The following ASH1L variants were observed in gnomAD, a reference collection of about 807,000 sequenced individuals.
The protein encoded by ASH1L is histone-lysine N-methyltransferase ASH1L.
Under a neutral mutation model 269.0 loss-of-function variants are expected in ASH1L, and 23 were observed. The observed-to-expected ratio is 0.09, with a 90% CI of 0.06 to 0.12. ASH1L has a LOEUF of 0.12. Ranked by LOEUF, ASH1L falls within the 10% of genes least tolerant of loss-of-function variation. The probability of loss-of-function intolerance (pLI) is 1.00; values close to 1 mark genes in which losing one functional copy is unlikely to be tolerated. For synonymous variants in ASH1L, 1,187 were observed against 1,253.5 expected, an observed-to-expected ratio of 0.95 and a Z score of 1.12; for missense variants, 2,912 against 3,567.8, an observed-to-expected ratio of 0.82 and a Z score of 4.68.
At chr1:155,471,422 T>G (rs1665088661) in intron 3 of ASH1L, among the ~76,000 whole-genome samples, 1 of 151,656 alleles carries the variant, frequency 6.6e-6, no homozygotes, top group South Asian at 2.1e-4. Context: ...CTCAAGGGAG[T>G]GGAGAACTGA....
At chr1:155,395,417 C>A in intron 7 of ASH1L, 42 bp downstream of exon 7, 1 of 1,410,504 alleles carries the variant, frequency 7.1e-7, no homozygotes, top group Non-Finnish European at 9.7e-7. Flanking sequence ...CCAGGAAATA[C>A]TGTTTCTTCT....
intron 25 of ASH1L, among the ~76,000 whole-genome samples, chr1:155,340,974 G>A (rs1197632038): frequency 1.3e-5 from 2 of 151,884 alleles, no homozygotes; most frequent in African/African-American, 4.8e-5. Flanking sequence ...TTTTGTTGTT[G>A]TTGTTGTTTT....
chr1:155,344,369 TAG>T, intron 21 of ASH1L, 96 bp from the exon 22 acceptor site: 2 of 934,920 alleles, frequency 2.1e-6, no homozygotes, highest in Non-Finnish European at 1.7e-6. Flanking sequence ...ACTTACTGTT[TAG>T]TCATTTCAAT....
At chr1:155,415,381 CAAAAAAAAAA>C (rs371008148) in intron 6 of ASH1L, among the ~76,000 whole-genome samples, 1 of 57,654 alleles carries the variant, frequency 1.7e-5, no homozygotes, top group Non-Finnish European at 4.0e-5. Flanking sequence ...GACTCCGTCT[CAAAAAAAAAA>C]AAAAAAACAA....
Position 155,511,213 on chromosome 1 carries a change from C to G in ASH1L, c.420+9887G>C, listed in dbSNP as rs368937998. The stretch of plus-strand genomic sequence containing the variant: ...TCCCTTTGTTTGCAAAACACCACCA[C>G]AGTTAAGAACTCACTGGAACCAAAG... On this transcript the variant is annotated intron_variant, in intron 2 of 27. Transcript: ENST00000392403. 1.3e-4 allele frequency among the ~76,000 whole-genome samples: 20 copies of G among 152,306 alleles called. 1 individual carries two copies. In the East Asian group the frequency reaches 2.1e-3, roughly 16 times the overall value.
intron 5 of ASH1L, among the ~76,000 whole-genome samples, chr1:155,430,848 C>T (rs932028800): frequency 6.6e-6 from 1 of 152,042 alleles, no homozygotes; most frequent in African/African-American, 2.4e-5. Flanking sequence ...GTCTCAAACT[C>T]CTGGGTTCAA....
At chr1:155,386,480 C>T (rs1044015156) in intron 7 of ASH1L, among the ~76,000 whole-genome samples, 7 of 151,942 alleles carry the variant, frequency 4.6e-5, no homozygotes, top group East Asian at 1.9e-4. Flanking sequence ...CTCTGCCACC[C>T]GGAGTTCAAG....
rs1233475684 is a variant in ASH1L at position 155,459,848 on chromosome 1, T to C, written c.5035A>G (p.Asn1679Asp). The change falls in exon 4 of 28, where the codon AAT becomes GAT. Residue 1679 changes from asparagine to aspartate, a missense_variant. Around this residue, in one of 13 missense-constraint regions of ASH1L, gnomAD observed 789 missense variants for 897.6 expected, o/e 0.88. Coordinates refer to ENST00000392403, the MANE Select transcript of ASH1L (RefSeq NM_018489.3). ...GACCTTTTCCGGGTAGGGCTACAAT[T>C]TGTGCTCTCTGATGGCCGCTGGGAG... ...KPSQRPSEST[N>D]CSPTRKRSSS... The C allele has an allele frequency of 1.2e-6, 2 of 1,612,746 alleles. No homozygotes were observed. The highest frequency in any genetic ancestry group is 4.5e-5 in the East Asian group (2 of 44,678).
intron 1 of ASH1L, among the ~76,000 whole-genome samples, chr1:155,547,477 A>C (rs1396743030): frequency 2.6e-5 from 4 of 152,056 alleles, no homozygotes; most frequent in Admixed American, 2.6e-4. Context: ...GGTGAGGTGC[A>C]CTTTGGGAGG....
intron 1 of ASH1L, among the ~76,000 whole-genome samples, chr1:155,553,849 T>A (rs1571147631): frequency 6.6e-6 from 1 of 150,798 alleles, no homozygotes; most frequent in African/African-American, 2.4e-5. Context: ...CAGGCAGGAG[T>A]GCAGTGGCAA....
At chr1:155,349,707 GTC>G in intron 17 of ASH1L, 111 bp from the exon 18 acceptor site, 43 of 422,680 alleles carry the variant, frequency 1.0e-4, no homozygotes, top group Non-Finnish European at 1.3e-4. Context: ...AAAAATCCAA[GTC>G]TTTTTTTTTT....
chr1:155,536,064 G>A (rs1194323762), intron 1 of ASH1L, among the ~76,000 whole-genome samples: 1 of 151,762 alleles, frequency 6.6e-6, no homozygotes, highest in Non-Finnish European at 1.5e-5. Context: ...CTGGGCTTCA[G>A]ACTCTTTAAA....
chr1:155,337,870 A>G, intron 27 of ASH1L, 119 bp from the exon 28 acceptor site: 1 of 1,113,910 alleles, frequency 9.0e-7, no homozygotes, highest in South Asian at 1.4e-5. Flanking sequence ...TAAGCAATTT[A>G]GCCCATCCTC....
intron 6 of ASH1L, among the ~76,000 whole-genome samples, chr1:155,410,687 G>A (rs1467683216): frequency 6.6e-6 from 1 of 150,820 alleles, no homozygotes; most frequent in African/African-American, 2.4e-5. Context: ...ATACATGTCA[G>A]TATACATTTG....
In ASH1L at chr1:155,433,529, G is replaced by T. The variant is rs116422863; in HGVS notation, c.5828+4798C>A. On this transcript the variant is annotated intron_variant, in intron 5 of 27. Coordinates refer to ENST00000392403, the MANE Select transcript of ASH1L (RefSeq NM_018489.3). ...TGGCACCTCCCTGGAGCCCTGCACC[G>T]TCCCCCCTGGTGCCGTGAAACTGGA... 15 of 1,609,834 alleles carry T rather than the reference G, an allele frequency of 9.3e-6. No homozygotes were observed. The East Asian group carries it at 3.4e-4, about 36-fold the overall frequency.
chr1:155,347,792 G>A lies in ASH1L; in HGVS notation c.7667C>T (p.Thr2556Ile). The A allele has an allele frequency of 1.2e-6, 2 of 1,614,214 alleles. No homozygotes were observed. The highest frequency in any genetic ancestry group is 1.7e-6 in the Non-Finnish European group (2 of 1,180,034). The stretch of plus-strand genomic sequence containing the variant: ...CTCACTGCTGTCTGCCTCACTTGCT[G>A]TCTCTCCCACAATCTCATCAATCTG... The part of the protein sequence containing the change: ...SAQIDEIVGE[T>I]ASEADSSETS... The change falls in exon 20 of 28, where the codon ACA (threonine) becomes ATA (isoleucine). Residue 2556 changes from threonine (T) to isoleucine (I), a missense_variant. By Grantham distance (89) the Thr-to-Ile change is moderately conservative (BLOSUM62 -1). Around this residue, in one of 13 missense-constraint regions of ASH1L, gnomAD observed 309 missense variants for 435.1 expected, o/e 0.71. Transcript: ENST00000392403.
chr1:155,511,408 C>T (rs1362377069), intron 2 of ASH1L, among the ~76,000 whole-genome samples: 1 of 152,160 alleles, frequency 6.6e-6, no homozygotes, highest in Admixed American at 6.5e-5. Context: ...AGGTTTTATT[C>T]CCTCTCTGGA....
intron 3 of ASH1L, among the ~76,000 whole-genome samples, chr1:155,464,871 G>A (rs1359002862): frequency 5.9e-5 from 9 of 152,062 alleles, no homozygotes; most frequent in Admixed American, 5.9e-4. Flanking sequence ...CAGCAAAACT[G>A]TAAGATGAAA....
chr1:155,441,454 CTTTTTTTT>C (rs34682576), intron 4 of ASH1L, among the ~76,000 whole-genome samples: 2,569 of 73,698 alleles, frequency 0.035, 47 homozygotes, highest in Non-Finnish European at 0.049. Flanking sequence ...ATAAAGAATC[CTTTTTTTT>C]TTTTTTTTTT....
Sources: gnomAD v4.1 joint callset for allele counts (sites outside exome capture counted in the v4.1 genomes callset) on GRCh38, gnomAD v4.1.1 for gene constraint, gnomAD v4.1.1 regional missense constraint, MANE v1.5 for transcripts, NCBI Gene and HGNC (gene_info 2026-07-23, HGNC 2026-07-21) for gene names.